Variants in PTPRG observed in about 807,000 individuals in gnomAD.
PTPRG encodes the protein receptor-type tyrosine-protein phosphatase gamma.
A neutral mutation model predicts 165.3 loss-of-function variants in PTPRG; 102 were observed. That is an observed-to-expected ratio of 0.62 (90% confidence interval 0.53 to 0.73). PTPRG has a LOEUF of 0.73. PTPRG is among the 30% of genes least tolerant of loss of function. The probability of loss-of-function intolerance (pLI) is 0.00; values close to 1 mark genes in which losing one functional copy is unlikely to be tolerated. For missense variants in PTPRG, 1,866 were observed against 1,861.4 expected, an observed-to-expected ratio of 1.00 and a Z score of -0.05; for synonymous variants, 675 against 669.5, an observed-to-expected ratio of 1.01 and a Z score of -0.13.
At chr3:62,272,910 A>G in intron 21 of PTPRG, 36 bp from the exon 22 acceptor site, 1 of 1,539,662 alleles carries the variant, frequency 6.5e-7, no homozygotes, top group Non-Finnish European at 8.7e-7. Context: ...GTATGATAAA[A>G]CAAAAGTGCC....
At chr3:62,020,160 A>G (rs950657790) in intron 4 of PTPRG, among the ~76,000 whole-genome samples, 5 of 152,214 alleles carry the variant, frequency 3.3e-5, no homozygotes, top group Admixed American at 6.5e-5. Flanking sequence ...GTCAATATCA[A>G]AATGAATATG....
chr3:62,014,985 C>CCTGAGACATATTCCAGGGCTAACATAGTT (rs2041506608), intron 4 of PTPRG, among the ~76,000 whole-genome samples: 2 of 152,154 alleles, frequency 1.3e-5, no homozygotes, highest in Non-Finnish European at 2.9e-5. Context: ...CTAACATAGT[C>CCTGAGACATATTCCAGGGCTAACATAGTT]CTGAGACATA....
chr3:62,155,400 G>A (rs749307131), intron 6 of PTPRG, among the ~76,000 whole-genome samples: 9 of 152,182 alleles, frequency 5.9e-5, no homozygotes, highest in Middle Eastern at 3.2e-3. Flanking sequence ...AGAGAGCATA[G>A]TGATGTGAAT....
intron 2 of PTPRG, among the ~76,000 whole-genome samples, chr3:61,760,861 C>T (rs1398581517): frequency 2.6e-5 from 4 of 152,150 alleles, no homozygotes; most frequent in Non-Finnish European, 4.4e-5. Flanking sequence ...GTTTTCTGTT[C>T]CTGCATTAGT....
chr3:61,697,914 T>C (rs1312354594), intron 1 of PTPRG, among the ~76,000 whole-genome samples: 8 of 152,182 alleles, frequency 5.3e-5, no homozygotes, highest in Non-Finnish European at 1.2e-4. Flanking sequence ...GAAAATTCTT[T>C]TTATCCCTAC....
At chr3:61,786,735 A>G (rs1315020097) in intron 2 of PTPRG, among the ~76,000 whole-genome samples, 1 of 149,682 alleles carries the variant, frequency 6.7e-6, no homozygotes, top group East Asian at 1.9e-4. Flanking sequence ...ACATATGTCT[A>G]TCAAGTTTTG....
intron 2 of PTPRG, among the ~76,000 whole-genome samples, chr3:61,940,386 A>G (rs990043955): frequency 5.9e-5 from 9 of 152,354 alleles, no homozygotes; most frequent in Middle Eastern, 3.4e-3. Context: ...GGCAGAGGTC[A>G]TGCATGAATG....
At chr3:61,839,601 A>G (rs1328516920) in intron 2 of PTPRG, among the ~76,000 whole-genome samples, 2 of 152,226 alleles carry the variant, frequency 1.3e-5, no homozygotes, top group East Asian at 1.9e-4. Context: ...ATAGACCTAT[A>G]TAGCAACAGT....
chr3:62,185,519 C>T (rs1263975755), intron 8 of PTPRG, among the ~76,000 whole-genome samples: 2 of 152,104 alleles, frequency 1.3e-5, no homozygotes, highest in Non-Finnish European at 2.9e-5. Flanking sequence ...ACTCACCTCG[C>T]CTTGGGGGCC....
rs1235676141 is a variant in PTPRG at position 61,890,412 on chromosome 3, GTTTTTTTTTTGT to G, written c.191-99202_191-99191del. 5.9e-4 allele frequency among the ~76,000 whole-genome samples: 56 copies of G among 95,432 alleles called. 1 individual carries two copies. The highest frequency in any genetic ancestry group is 3.0e-3 in the East Asian group (9 of 2,970). 62.6% of individuals were successfully genotyped at this position (95,432 alleles called of 152,430 possible). A position where few individuals can be genotyped will look rare whatever the true frequency, so the allele number is the denominator to read the frequency against. ...GTTTTGGGCGGGTTTCTTGTTCTTT[GTTTTTTTTTTGT>G]TTTTTTTTTTTTTTAGGGTCAGGTT... is the stretch of plus-strand genomic sequence containing the variant. On this transcript the variant is annotated intron_variant, in intron 2 of 29. Transcript: ENST00000474889.
At chr3:61,919,831 C>G (rs1438534648) in intron 2 of PTPRG, among the ~76,000 whole-genome samples, 1 of 152,148 alleles carries the variant, frequency 6.6e-6, no homozygotes, top group East Asian at 1.9e-4. Flanking sequence ...CTTCCCTCAC[C>G]CTTACCTCTG....
Position 61,562,355 on chromosome 3 carries a change from A to G in PTPRG, c.68A>G (p.Tyr23Cys). 2 of 1,613,356 alleles carry G rather than the reference A, an allele frequency of 1.2e-6. No individual in the cohort carries two copies. The highest frequency in any genetic ancestry group is 1.7e-6 in the Non-Finnish European group (2 of 1,179,584). The change falls in exon 1 of 30, where the codon TAT becomes TGT. Residue 23 changes from tyrosine (Y) to cysteine (C), a missense_variant. Coordinates refer to ENST00000474889, the MANE Select transcript of PTPRG (RefSeq NM_002841.4). ...FLKITSSVLH[Y>C]VVCFPALTEG... Reference sequence around the variant, plus strand: ...AAAATCACCAGTTCCGTGCTCCATTATGTCGTGTGCTTCCCCGGTGAGTGC... The same window carrying G: ...AAAATCACCAGTTCCGTGCTCCATTGTGTCGTGTGCTTCCCCGGTGAGTGC...
chr3:61,952,792 C>A (rs767523589), intron 2 of PTPRG, among the ~76,000 whole-genome samples: 3 of 152,140 alleles, frequency 2.0e-5, no homozygotes, highest in African/African-American at 7.2e-5. Context: ...TCAGCCAGCT[C>A]CTATCAGTGT....
At chr3:62,239,139 T>G (rs1018390825) in intron 14 of PTPRG, among the ~76,000 whole-genome samples, 2 of 152,164 alleles carry the variant, frequency 1.3e-5, no homozygotes, top group South Asian at 4.1e-4. Context: ...ATTTCCCTTT[T>G]TAGGGTACTT....
chr3:62,201,936 T>A (rs1302485771), intron 11 of PTPRG, among the ~76,000 whole-genome samples: 2 of 152,232 alleles, frequency 1.3e-5, no homozygotes, highest in Non-Finnish European at 2.9e-5. Flanking sequence ...GAACCAGAAT[T>A]AATATCTTAG....
intron 1 of PTPRG, among the ~76,000 whole-genome samples, chr3:61,615,383 G>T (rs934134547): frequency 6.6e-6 from 1 of 152,174 alleles, no homozygotes; most frequent in African/African-American, 2.4e-5. Context: ...CTCAGTTTTG[G>T]TTTGTCTGAG....
intron 1 of PTPRG, among the ~76,000 whole-genome samples, chr3:61,617,536 C>CT (rs1701330558): frequency 6.6e-6 from 1 of 152,190 alleles, no homozygotes; most frequent in African/African-American, 2.4e-5. Context: ...GCCTTCATTT[C>CT]TTTCTTCCTG....
At chr3:61,793,561 A>G (rs1036745581) in intron 2 of PTPRG, among the ~76,000 whole-genome samples, 26 of 152,270 alleles carry the variant, frequency 1.7e-4, no homozygotes, top group African/African-American at 4.8e-4. Flanking sequence ...TCAATTCCTT[A>G]TTTTATTTAT....
chr3:61,894,391 C>T (rs1024008145), intron 2 of PTPRG, among the ~76,000 whole-genome samples: 1 of 138,016 alleles, frequency 7.2e-6, no homozygotes, highest in African/African-American at 2.7e-5. Context: ...AAAAGAGTAA[C>T]CAAATTTAAT....
Sources: gnomAD v4.1 joint callset for allele counts (sites outside exome capture counted in the v4.1 genomes callset) on GRCh38, gnomAD v4.1.1 for gene constraint, MANE v1.5 for transcripts, NCBI Gene and HGNC (gene_info 2026-07-23, HGNC 2026-07-21) for gene names.